The following HS3ST4 variants were observed in gnomAD, a reference collection of about 807,000 sequenced individuals.
HS3ST4 encodes the protein heparan sulfate-glucosamine 3-sulfotransferase 4, also known as heparan sulfate glucosamine 3-O-sulfotransferase 4.
A neutral mutation model predicts 29.2 loss-of-function variants in HS3ST4; 17 were observed. The observed-to-expected ratio is 0.58, with a 90% confidence interval of 0.40 to 0.87. The LOEUF (loss-of-function observed/expected upper bound fraction) is 0.87, where lower values mean the gene tolerates loss of function less well. Among genes scored for constraint, HS3ST4 ranks in the 40% least tolerant of loss-of-function variants. The pLI, the probability that HS3ST4 is intolerant of heterozygous loss-of-function variation, is 0.00. For synonymous variants in HS3ST4, 314 were observed against 285.7 expected, an observed-to-expected ratio of 1.10 and a Z score of -1.00; for missense variants, 627 against 634.5, an observed-to-expected ratio of 0.99 and a Z score of 0.13.
At chr16:25,897,061 T>C (rs1312149357) in intron 1 of HS3ST4, among the ~76,000 whole-genome samples, 4 of 152,168 alleles carry the variant, frequency 2.6e-5, no homozygotes, top group Non-Finnish European at 5.9e-5. Context: ...GTTCACTTGC[T>C]GAGTGATGGG....
intron 1 of HS3ST4, among the ~76,000 whole-genome samples, chr16:25,993,500 G>A (rs1428202545): frequency 1.3e-5 from 2 of 152,040 alleles, no homozygotes; most frequent in East Asian, 1.9e-4. Context: ...GTAGGGGAAA[G>A]CAGGTAAGCT....
At chr16:25,975,988 T>A (rs1435505793) in intron 1 of HS3ST4, among the ~76,000 whole-genome samples, 1 of 152,168 alleles carries the variant, frequency 6.6e-6, no homozygotes, top group African/African-American at 2.4e-5. Flanking sequence ...CTAAGATGGA[T>A]CCTTAGAGGT....
In HS3ST4 at chr16:25,818,209, T is replaced by A. The variant is rs891770612; in HGVS notation, c.734+125058T>A. Reference sequence around the variant, plus strand: ...CCATATGTTGAAATTTAATCTCCAGTGTGATGGTATTAGGAGGTGGGGCCC... The same window carrying A: ...CCATATGTTGAAATTTAATCTCCAGAGTGATGGTATTAGGAGGTGGGGCCC... On this transcript the variant is annotated intron_variant, in intron 1 of 1. Transcript: ENST00000331351. 1.3e-5 allele frequency among the ~76,000 whole-genome samples: 2 copies of A among 152,168 alleles called. 1 individual carries two copies. The highest frequency in any genetic ancestry group is 4.8e-5 in the African/African-American group (2 of 41,428).
At chr16:25,865,337 G>A (rs1299899896) in intron 1 of HS3ST4, among the ~76,000 whole-genome samples, 1 of 152,200 alleles carries the variant, frequency 6.6e-6, no homozygotes, top group East Asian at 1.9e-4. Context: ...TTTGGTAATA[G>A]TAGCCACTCT....
intron 1 of HS3ST4, among the ~76,000 whole-genome samples, chr16:25,862,725 T>C (rs934368745): frequency 6.6e-6 from 1 of 152,254 alleles, no homozygotes; most frequent in African/African-American, 2.4e-5. Context: ...ATGACAATTA[T>C]GAGTGATGTA....
intron 1 of HS3ST4, among the ~76,000 whole-genome samples, chr16:26,123,184 T>G (rs920966365): frequency 1.3e-5 from 2 of 152,148 alleles, no homozygotes; most frequent in Non-Finnish European, 2.9e-5. Flanking sequence ...ACCAAGATTT[T>G]CTCCGTGCCA....
chr16:25,735,206 A>C (rs1966599225), intron 1 of HS3ST4, among the ~76,000 whole-genome samples: 1 of 152,200 alleles, frequency 6.6e-6, no homozygotes, highest in Admixed American at 6.5e-5. Context: ...AGTGTCATGT[A>C]AGTCAGGACT....
intron 1 of HS3ST4, among the ~76,000 whole-genome samples, chr16:25,876,921 T>A (rs937329113): frequency 1.3e-5 from 2 of 152,046 alleles, no homozygotes; most frequent in Non-Finnish European, 2.9e-5. Flanking sequence ...CCTTTACAGG[T>A]TTTTCTCCCC....
chr16:25,792,904 G>A (rs946383760), intron 1 of HS3ST4, among the ~76,000 whole-genome samples: 5 of 151,562 alleles, frequency 3.3e-5, no homozygotes, highest in African/African-American at 1.2e-4. Context: ...TTTTCTAATG[G>A]GTGCATTAAA....
intron 1 of HS3ST4, among the ~76,000 whole-genome samples, chr16:25,889,803 G>C (rs890900495): frequency 6.6e-6 from 1 of 152,144 alleles, no homozygotes; most frequent in Non-Finnish European, 1.5e-5. Flanking sequence ...GGCTCGGTAG[G>C]AGGTAATTGA....
intron 1 of HS3ST4, among the ~76,000 whole-genome samples, chr16:25,695,967 C>G (rs1274058222): frequency 1.3e-5 from 2 of 152,174 alleles, no homozygotes; most frequent in Non-Finnish European, 2.9e-5. Context: ...ATATTCAACT[C>G]AAGAGCCCTA....
chr16:26,028,056 T>C (rs1237507751), intron 1 of HS3ST4, among the ~76,000 whole-genome samples: 1 of 152,084 alleles, frequency 6.6e-6, no homozygotes, highest in Non-Finnish European at 1.5e-5. Flanking sequence ...GTGGATCACC[T>C]GAGGTCAGGA....
At chr16:25,798,874 G>A (rs996666062) in intron 1 of HS3ST4, among the ~76,000 whole-genome samples, 1 of 152,156 alleles carries the variant, frequency 6.6e-6, no homozygotes, top group Non-Finnish European at 1.5e-5. Flanking sequence ...ATGCCCGTCT[G>A]CCTGTTCCAG....
At chr16:25,699,620 G>C (rs1442494590) in intron 1 of HS3ST4, among the ~76,000 whole-genome samples, 1 of 152,166 alleles carries the variant, frequency 6.6e-6, no homozygotes, top group African/African-American at 2.4e-5. Context: ...CTGTTTCTTA[G>C]GTGATGAAGG....
intron 1 of HS3ST4, among the ~76,000 whole-genome samples, chr16:25,838,208 A>G (rs769477686): frequency 1.4e-4 from 21 of 152,252 alleles, no homozygotes; most frequent in Non-Finnish European, 2.8e-4. Flanking sequence ...ATTAACGACT[A>G]CCGCTGCTAT....
chr16:25,907,312 G>A (rs924457561), intron 1 of HS3ST4, among the ~76,000 whole-genome samples: 1 of 152,164 alleles, frequency 6.6e-6, no homozygotes, highest in Admixed American at 6.5e-5. Flanking sequence ...TTCCAGGAGG[G>A]CTTCAGTAGG....
intron 1 of HS3ST4, among the ~76,000 whole-genome samples, chr16:25,830,021 C>T (rs1039168982): frequency 7.9e-5 from 12 of 152,042 alleles, no homozygotes; most frequent in African/African-American, 2.7e-4. Context: ...GACGTGGTTT[C>T]GGCATGTTGC....
At chr16:25,964,968 C>T (rs1171140961) in intron 1 of HS3ST4, among the ~76,000 whole-genome samples, 2 of 152,178 alleles carry the variant, frequency 1.3e-5, no homozygotes, top group East Asian at 3.9e-4. Context: ...ATAAATACCT[C>T]CTATATGCCA....
chr16:26,082,268 C>T (rs918867595), intron 1 of HS3ST4, among the ~76,000 whole-genome samples: 2 of 152,156 alleles, frequency 1.3e-5, no homozygotes, highest in Admixed American at 1.3e-4. Context: ...TTCAAAGAGC[C>T]ACACTTCCCA....
Sources: gnomAD v4.1 joint callset for allele counts (sites outside exome capture counted in the v4.1 genomes callset) on GRCh38, gnomAD v4.1.1 for gene constraint, MANE v1.5 for transcripts, NCBI Gene and HGNC (gene_info 2026-07-23, HGNC 2026-07-21) for gene names.